Variants in PARP14 observed in about 807,000 individuals in gnomAD.
PARP14 encodes poly(ADP-ribose) polymerase family member 14.
Under a neutral mutation model 154.2 loss-of-function variants are expected in PARP14, and 59 were observed. That is an observed-to-expected ratio of 0.38 (90% CI 0.31 to 0.48). The LOEUF (loss-of-function observed/expected upper bound fraction) is 0.48, where lower values mean the gene tolerates loss of function less well. Ranked by LOEUF, PARP14 falls within the 20% of genes least tolerant of loss-of-function variation. The pLI, the probability that PARP14 is intolerant of heterozygous loss-of-function variation, is 0.98. For synonymous variants in PARP14, 720 were observed against 780.5 expected, an observed-to-expected ratio of 0.92 and a Z score of 1.29; for missense variants, 1,734 against 2,131.6, an observed-to-expected ratio of 0.81 and a Z score of 3.67.
chr3:122,687,733 C>T (rs17270364), intron 3 of PARP14, among the ~76,000 whole-genome samples: 9,165 of 152,280 alleles, frequency 0.06, 320 homozygotes, highest in Middle Eastern at 0.088. Flanking sequence ...ACTTGACATT[C>T]ACTAAAGAAG....
At position 122,700,669 on chromosome 3, in the gene PARP14, T is replaced by A; in HGVS notation, c.2115T>A (p.Ser705Arg). Residue 705 changes from serine to arginine, a missense_variant, in exon 6 of 17, where the codon AGT becomes AGA. Transcript: ENST00000474629. ...PKIKKVNVQV[S>R]FNPENKQKGI... ...TAAAGAAGGTAAATGTGCAGGTAAG[T>A]TTCAATCCTGAGAACAAACAAAAAG... The A allele has an allele frequency of 6.2e-7, 1 of 1,608,838 alleles. No homozygotes were observed. Among genetic ancestry groups the A allele is most frequent in the Middle Eastern group, 1.6e-4 (1 of 6,062 alleles).
In PARP14 at chr3:122,700,456, CA is replaced by C. The variant is rs1476667750; in HGVS notation, c.1904del (p.Asn635MetfsTer3). 1 of 1,613,084 alleles carries C rather than the reference CA, an allele frequency of 6.2e-7. No homozygotes were observed. The highest frequency in any genetic ancestry group is 8.5e-7 in the Non-Finnish European group (1 of 1,179,448). ...QNSSPNTVIINELTSETTAEV... is the reference protein window; with the variant it reads ...QNSSPNTVIIXELTSETTAEV... ...ATTCCTCCCCAAACACTGTAATCAT[CA>C]ATGAGTTAACTTCAGAAACCACAGC... On this transcript the variant is annotated frameshift_variant, in exon 6 of 17. Transcript: ENST00000474629. LOFTEE classifies it high-confidence loss of function.
chr3:122,692,463 G>A lies in PARP14; in HGVS notation c.518G>A (p.Ser173Asn). The change falls in exon 4 of 17, where the codon AGT becomes AAT. Residue 173 changes from serine (S) to asparagine (N), a missense_variant. Ser to Asn is a conservative substitution (Grantham distance 46). Around this residue, in one of 2 missense-constraint regions of PARP14, gnomAD observed 1,646 missense variants for 1,976.0 expected, o/e 0.83. Transcript: ENST00000474629. ...IMLILLVENI[S>N]GLSNDDFQVE... Reference sequence around the variant, plus strand: ...CTAATCTTGTTAGTGGAGAACATAAGTGGCCTGTCTAATGATGACTTTCAA... The same window carrying A: ...CTAATCTTGTTAGTGGAGAACATAAATGGCCTGTCTAATGATGACTTTCAA... 1 of 1,613,576 alleles carries A rather than the reference G, an allele frequency of 6.2e-7. No homozygotes were observed. The highest frequency in any genetic ancestry group is 1.1e-5 in the South Asian group (1 of 91,076).
chr3:122,727,497 G>C (rs180757732), intron 15 of PARP14, among the ~76,000 whole-genome samples: 15 of 152,356 alleles, frequency 9.8e-5, no homozygotes, highest in African/African-American at 3.6e-4. Context: ...GCAGTCATTA[G>C]AGTATGTGTA....
intron 5 of PARP14, among the ~76,000 whole-genome samples, chr3:122,697,489 CTCT>C (rs1938815377): frequency 6.6e-6 from 1 of 152,218 alleles, no homozygotes; most frequent in East Asian, 1.9e-4. Flanking sequence ...AACTTCTCTC[CTCT>C]TTCCAAATCT....
At chr3:122,697,376 C>T (rs548911970) in intron 5 of PARP14, among the ~76,000 whole-genome samples, 1 of 152,220 alleles carries the variant, frequency 6.6e-6, no homozygotes, top group Non-Finnish European at 1.5e-5. Context: ...CATGACGAAA[C>T]TGAAGCACAG....
At chr3:122,682,927 C>A (rs545004104) in intron 1 of PARP14, among the ~76,000 whole-genome samples, 4 of 152,102 alleles carry the variant, frequency 2.6e-5, no homozygotes, top group African/African-American at 9.6e-5. Context: ...TGGTGGTGTG[C>A]GCCTATAGTC....
intron 11 of PARP14, 77 bp from the exon 12 acceptor site, chr3:122,714,185 G>T: frequency 8.3e-7 from 1 of 1,207,286 alleles, no homozygotes; most frequent in South Asian, 1.5e-5. Flanking sequence ...TACTTGCCAA[G>T]TTATACATTT....
In PARP14 at chr3:122,700,680, A is replaced by C; in HGVS notation, c.2126A>C (p.Glu709Ala). Reference sequence around the variant, plus strand: ...AATGTGCAGGTAAGTTTCAATCCTGAGAACAAACAAAAAGGCATTTTACTA... The same window carrying C: ...AATGTGCAGGTAAGTTTCAATCCTGCGAACAAACAAAAAGGCATTTTACTA... ...KVNVQVSFNP[E>A]NKQKGILLTG... The change falls in exon 6 of 17, where the codon GAG (glutamate) becomes GCG (alanine). Residue 709 changes from glutamate to alanine, a missense_variant. Glu to Ala is a moderately radical substitution (Grantham distance 107). This residue lies in a region of PARP14 where 1,646 missense variants were observed against 1,976.0 expected (regional missense o/e 0.83). Transcript: ENST00000474629. 2 of 1,609,814 alleles carry C rather than the reference A, an allele frequency of 1.2e-6. No individual in the cohort carries two copies. Among genetic ancestry groups the C allele is most frequent in the Non-Finnish European group, 1.7e-6 (2 of 1,177,864 alleles).
chr3:122,692,031 C>T lies in PARP14; in HGVS notation c.356-270C>T, dbSNP rs570703216. Among the ~76,000 whole-genome samples the T allele has an allele frequency of 2.4e-3, 364 of 152,198 alleles. 1 individual carries two copies. Among genetic ancestry groups the T allele is most frequent in the African/African-American group, 6.8e-3 (283 of 41,552 alleles). ...GTACCCACCAGCAATAAATGAAAAT[C>T]TTTTTATCCCTATAATGCCTATAAT... is the stretch of plus-strand genomic sequence containing the variant. On this transcript the variant is annotated intron_variant, in intron 3 of 16. Coordinates refer to ENST00000474629, the MANE Select transcript of PARP14 (RefSeq NM_017554.3).
At chr3:122,708,138 A>G (rs1939217210) in intron 8 of PARP14, 52 bp from the exon 9 acceptor site, 1 of 959,000 alleles carries the variant, frequency 1.0e-6, no homozygotes, top group African/African-American at 1.6e-5. Flanking sequence ...GATGATTCCA[A>G]TTTATTCATT....
intron 2 of PARP14, among the ~76,000 whole-genome samples, chr3:122,686,420 G>T (rs1387973513): frequency 6.6e-6 from 1 of 151,878 alleles, no homozygotes; most frequent in East Asian, 1.9e-4. Context: ...CTCCCAAAGT[G>T]CTGGGATTAC....
chr3:122,728,414 G>T lies in PARP14; in HGVS notation c.5223G>T (p.Val1741=). 4 of 1,613,736 alleles carry T rather than the reference G, an allele frequency of 2.5e-6. 1 individual carries two copies. The Middle Eastern group carries it at 4.9e-4, about 200-fold the overall frequency. ...ATGGGAGAAAGCATGTGTATTATGT[G>T]CGAGTACTTACTGGAATCTATACAC... The part of the protein sequence containing the change: ...DANGRKHVYY[V]RVLTGIYTHG... Residue 1741 remains valine (V), a synonymous_variant, in exon 17 of 17, where the codon GTG becomes GTT. Transcript: ENST00000474629.
rs1379512240 is a variant in PARP14 at position 122,701,879 on chromosome 3, A to G, written c.3081+244A>G. On this transcript the variant is annotated intron_variant, in intron 6 of 16. Transcript: ENST00000474629. This position sits in a 1 kb window ranked among gnomAD's most constrained non-coding sequence, Gnocchi z 4.0. Reference sequence around the variant, plus strand: ...AAGGGTATAGAGGTCAGATTGCTAGATTTCCAGTAGATGTAAAACTCCATA... The same window carrying G: ...AAGGGTATAGAGGTCAGATTGCTAGGTTTCCAGTAGATGTAAAACTCCATA... Among the ~76,000 whole-genome samples the G allele has an allele frequency of 1.3e-5, 2 of 152,224 alleles. No individual in the cohort carries two copies. Among genetic ancestry groups the G allele is most frequent in the Non-Finnish European group, 1.5e-5 (1 of 68,040 alleles).
chr3:122,697,594 G>C lies in PARP14; in HGVS notation c.836-1796G>C, dbSNP rs181321911. On this transcript the variant is annotated intron_variant, in intron 5 of 16. Coordinates refer to ENST00000474629, the MANE Select transcript of PARP14 (RefSeq NM_017554.3). ...TGAGGCAGATGGTAGATAGAGCTTG[G>C]TTTAAAAGAGAATTTATTGTACAAT... 4.2e-4 allele frequency among the ~76,000 whole-genome samples: 64 copies of C among 152,260 alleles called. 1 individual carries two copies. The highest frequency in any genetic ancestry group is 1.4e-3 in the African/African-American group (59 of 41,532).
intron 12 of PARP14, among the ~76,000 whole-genome samples, chr3:122,716,714 A>G (rs1933011583): frequency 6.6e-6 from 1 of 152,098 alleles, no homozygotes; most frequent in Non-Finnish European, 1.5e-5. Flanking sequence ...AGCTTTTATT[A>G]CAGCGTCCTA....
intron 9 of PARP14, 120 bp downstream of exon 9, chr3:122,708,388 C>G: frequency 1.6e-6 from 1 of 632,098 alleles, no homozygotes. Flanking sequence ...ACAAATGATA[C>G]TAAGTTATGT....
rs897994767 is a variant in PARP14, at chr3:122,700,762, T to G, written c.2208T>G (p.Asp736Glu). 5.6e-6 allele frequency: 9 copies of G among 1,613,472 alleles called. No homozygotes were observed. Among genetic ancestry groups the G allele is most frequent in the Non-Finnish European group, 7.6e-6 (9 of 1,179,708 alleles). The stretch of plus-strand genomic sequence containing the variant: ...TGGACATTGTCAAGCAAGTCTGGGA[T>G]TCAGTCTGTGTTAAAAGTGTCCATA... ...KAVDIVKQVW[D>E]SVCVKSVHTD... The change falls in exon 6 of 17, where the codon GAT becomes GAG. Residue 736 changes from aspartate (D) to glutamate (E), a missense_variant. Coordinates refer to ENST00000474629, the MANE Select transcript of PARP14 (RefSeq NM_017554.3).
At position 122,695,544 on chromosome 3, in the gene PARP14, T is replaced by C. The variant is rs779532613; in HGVS notation, c.717T>C (p.Ala239=). 44 of 1,608,308 alleles carry C rather than the reference T, an allele frequency of 2.7e-5. No individual in the cohort carries two copies. Among genetic ancestry groups the C allele is most frequent in the East Asian group, 4.5e-5 (2 of 44,846 alleles). ...GGGTTGAAAACCTGCCACCTGGTGC[T>C]GATGACTACAGTTTAAAACTTTTCT... ...TIRVENLPPG[A]DDYSLKLFFE... Residue 239 remains alanine, a synonymous_variant, in exon 5 of 17, where the codon GCT becomes GCC. Coordinates refer to ENST00000474629, the MANE Select transcript of PARP14 (RefSeq NM_017554.3).
Sources: allele counts gnomAD v4.1 joint callset (sites outside exome capture counted in the v4.1 genomes callset), GRCh38; gene constraint gnomAD v4.1.1; regional missense constraint gnomAD v4.1.1; non-coding constraint Gnocchi (gnomAD v3.1); transcripts MANE v1.5; gene names NCBI Gene and HGNC (gene_info 2026-07-23, HGNC 2026-07-21).